The following DENND1C variants were observed in gnomAD, a reference collection of about 807,000 sequenced individuals.
DENND1C encodes the protein DENN domain-containing protein 1C.
A neutral mutation model predicts 87.9 loss-of-function variants in DENND1C; 64 were observed. That is an observed-to-expected ratio of 0.73 (90% CI 0.60 to 0.90). DENND1C has a LOEUF of 0.90. Ranked by LOEUF, DENND1C falls within the 40% of genes least tolerant of loss-of-function variation. The probability of loss-of-function intolerance (pLI) is 0.00; values close to 1 mark genes in which losing one functional copy is unlikely to be tolerated. For synonymous variants in DENND1C, 384 were observed against 424.4 expected (o/e 0.90, Z 1.17); for missense variants, 980 against 1,037.0 (o/e 0.95, Z 0.76).
In DENND1C at chr19:6,471,499, G is replaced by T; in HGVS notation, c.1159-3C>A. ...TTCTCCAGCCGGGCTTCGATGAACTGGGGTGGGGGACAGTAAATCAGAAAC... is the reference window on the plus strand; with the variant it reads ...TTCTCCAGCCGGGCTTCGATGAACTTGGGTGGGGGACAGTAAATCAGAAAC... On this transcript the variant is annotated splice_region_variant and splice_polypyrimidine_tract_variant and intron_variant, in intron 15 of 22. Coordinates refer to ENST00000381480, the MANE Select transcript of DENND1C (RefSeq NM_024898.4). 6.5e-7 allele frequency: 1 copy of T among 1,549,456 alleles called. No homozygotes were observed. The highest frequency in any genetic ancestry group is 8.7e-7 in the Non-Finnish European group (1 of 1,146,156).
intron 1 of DENND1C, 171 bp downstream of exon 1, chr19:6,481,508 G>C: frequency 1.1e-6 from 1 of 873,484 alleles, no homozygotes; most frequent in Non-Finnish European, 1.8e-6. Context: ...AGAGTGGCCT[G>C]TCCCAGAGTG....
chr19:6,477,738 C>T (rs1255436676), intron 6 of DENND1C: 1 of 150,110 alleles, frequency 6.7e-6, no homozygotes, highest in Non-Finnish European at 1.5e-5. Flanking sequence ...CGTGAGCCAC[C>T]GCGCCCGGCT....
chr19:6,470,629 T>TG (rs1022285025), intron 17 of DENND1C, among the ~76,000 whole-genome samples: 7 of 146,454 alleles, frequency 4.8e-5, no homozygotes, highest in Admixed American at 3.4e-4. Flanking sequence ...TGTTTTTTTT[T>TG]TTTTTTTGCT....
chr19:6,471,372 A>G lies in DENND1C; in HGVS notation c.1249+34T>C, dbSNP rs779066278. On this transcript the variant is annotated intron_variant, in intron 16 of 22. Transcript: ENST00000381480. The stretch of plus-strand genomic sequence containing the variant: ...GAGGCTGGGGGTGCTGGTGGCGGGT[A>G]GTGGGGGACCCAGGGGCTGGACTCA... 2.3e-5 allele frequency: 36 copies of G among 1,584,354 alleles called. 1 individual carries two copies. The South Asian group carries it at 3.9e-4, about 17-fold the overall frequency.
At chr19:6,475,999 A>G (rs2092857769) in intron 10 of DENND1C, 62 bp from the exon 11 acceptor site, 2 of 1,422,216 alleles carry the variant, frequency 1.4e-6, no homozygotes, top group East Asian at 5.0e-5. Flanking sequence ...GGTCTCTTCC[A>G]GCTGCATTTC....
At chr19:6,481,362 G>A (rs1035975777) in intron 1 of DENND1C, among the ~76,000 whole-genome samples, 2 of 151,362 alleles carry the variant, frequency 1.3e-5, no homozygotes, top group East Asian at 1.9e-4. Flanking sequence ...CTGATCATCC[G>A]CCCTGTGGAC....
rs1385047559 is a variant in DENND1C at position 6,481,768 on chromosome 19, G to A, written c.-73C>T. ...GGGGCCTGTGTATGCTGGGCCCCAA[G>A]CCGGCTCAGCTTCCTGTGTGGCTGA... On this transcript the variant is annotated 5_prime_UTR_variant, in exon 1 of 23. Coordinates refer to ENST00000381480, the MANE Select transcript of DENND1C (RefSeq NM_024898.4). 6.9e-7 allele frequency: 1 copy of A among 1,456,754 alleles called. No individual in the cohort carries two copies. The highest frequency in any genetic ancestry group is 9.1e-7 in the Non-Finnish European group (1 of 1,103,306). The allele number at this position is 1,456,754 out of a possible 1,614,324, so 90.2% of individuals were successfully genotyped here.
intron 6 of DENND1C, among the ~76,000 whole-genome samples, chr19:6,478,409 ATTTTTTT>A (rs36008668): frequency 1.5e-5 from 2 of 136,134 alleles, no homozygotes; most frequent in African/African-American, 2.7e-5. Flanking sequence ...CGGCCGGCTA[ATTTTTTT>A]TTTTTTTTTT....
intron 18 of DENND1C, 23 bp from the exon 19 acceptor site, chr19:6,469,663 T>A: frequency 6.3e-7 from 1 of 1,597,488 alleles, no homozygotes; most frequent in Middle Eastern, 1.7e-4. Context: ...GGACAGAGAA[T>A]TACCCAAGGG....
intron 4 of DENND1C, 34 bp downstream of exon 4, chr19:6,479,635 C>A: frequency 6.2e-7 from 1 of 1,613,700 alleles, no homozygotes; most frequent in Non-Finnish European, 8.5e-7. Flanking sequence ...AGATCTGAGT[C>A]CCTGAGTCCT....
Position 6,468,875 on chromosome 19 carries a change from G to A in DENND1C, c.1486C>T (p.Arg496Cys), listed in dbSNP as rs376952718. 4.6e-5 allele frequency: 70 copies of A among 1,511,402 alleles called. No homozygotes were observed. Among genetic ancestry groups the A allele is most frequent in the East Asian group, 2.9e-4 (12 of 41,752 alleles). The allele number at this position is 1,511,402 out of a possible 1,614,324, so 93.6% of individuals were successfully genotyped here. A position where few individuals can be genotyped will look rare whatever the true frequency, so the allele number is the denominator to read the frequency against. ...LPSRSDRLQQ[R>C]LPITQHFGKN... is the part of the protein sequence containing the mutation. ...CCAAAGTGCTGAGTGATTGGGAGGC[G>A]TTGCTGCAGGCGGTCTGAGCGGCTG... is the stretch of plus-strand genomic sequence containing the variant. Residue 496 changes from arginine to cysteine, a missense_variant, in exon 20 of 23, where the codon CGC becomes TGC. Physicochemically the swap from Arg to Cys is radical, Grantham distance 180 (BLOSUM62 -3). Coordinates refer to ENST00000381480, the MANE Select transcript of DENND1C (RefSeq NM_024898.4).
Position 6,470,610 on chromosome 19 carries a change from G to GTTTT in DENND1C, c.1291-248_1291-245dup, listed in dbSNP as rs1555747420. On this transcript the variant is annotated intron_variant, in intron 17 of 22. Transcript: ENST00000381480. Reference sequence around the variant, plus strand: ...TTTTGAGATGGAGTCTCAAAGAACAGTTTTTTTTTGTTTTTTTTTTTTTTT... The same window carrying GTTTT: ...TTTTGAGATGGAGTCTCAAAGAACAGTTTTTTTTTTTTTGTTTTTTTTTTTTTTT... Among the ~76,000 whole-genome samples, 159 of 100,600 alleles carry GTTTT rather than the reference G, an allele frequency of 1.6e-3. 1 individual carries two copies. The highest frequency in any genetic ancestry group is 2.0e-3 in the Non-Finnish European group (90 of 44,160). 66.0% of individuals were successfully genotyped at this position (100,600 alleles called of 152,430 possible). A position where few individuals can be genotyped will look rare whatever the true frequency, so the allele number is the denominator to read the frequency against.
Position 6,467,556 on chromosome 19 carries a change from T to A in DENND1C, c.2354A>T (p.Gln785Leu). 1 of 1,608,320 alleles carries A rather than the reference T, an allele frequency of 6.2e-7. No individual in the cohort carries two copies. Among genetic ancestry groups the A allele is most frequent in the Non-Finnish European group, 8.5e-7 (1 of 1,177,990 alleles). Reference sequence around the variant, plus strand: ...AGCGACTCTGGGCCGGCTGCTGGGCTGGGACTTTTGACAGTTGCTGGTGGG... The same window carrying A: ...AGCGACTCTGGGCCGGCTGCTGGGCAGGGACTTTTGACAGTTGCTGGTGGG... ...ATPTSNCQKS[Q>L]PSSRPRVADL... Residue 785 changes from glutamine (Q) to leucine (L), a missense_variant, in exon 23 of 23, where the codon CAG (glutamine) becomes CTG (leucine). Transcript: ENST00000381480.
intron 17 of DENND1C, among the ~76,000 whole-genome samples, chr19:6,470,785 C>T (rs1356851521): frequency 6.7e-6 from 1 of 150,166 alleles, no homozygotes; most frequent in African/African-American, 2.5e-5. Context: ...CCACACCCGG[C>T]TAATTTTTGT....
intron 1 of DENND1C, among the ~76,000 whole-genome samples, chr19:6,481,158 A>G (rs1203907362): frequency 6.6e-6 from 1 of 151,340 alleles, no homozygotes; most frequent in Non-Finnish European, 1.5e-5. Context: ...CTCTGCCCCC[A>G]TATCAAGCAG....
rs958452599 is a variant in DENND1C at position 6,468,507 on chromosome 19, A to C, written c.1584-66T>G. ...CCCAGCCCTGGTCAGGCTGCTCTGG[A>C]GTTTGGGAACCCTCCTCCCCATCAG... On this transcript the variant is annotated intron_variant, in intron 21 of 22. Transcript: ENST00000381480. The C allele has an allele frequency of 1.6e-5, 25 of 1,565,624 alleles. No homozygotes were observed. The African/African-American group carries it at 3.4e-4, about 21-fold the overall frequency.
At chr19:6,474,972 G>T (rs1255059092) in intron 14 of DENND1C, among the ~76,000 whole-genome samples, 1 of 152,044 alleles carries the variant, frequency 6.6e-6, no homozygotes, top group East Asian at 1.9e-4. Flanking sequence ...GGGAGTCTGA[G>T]GCAGGAGAAT....
At position 6,475,891 on chromosome 19, in the gene DENND1C, C is replaced by A. The variant is rs534652224; in HGVS notation, c.725G>T (p.Arg242Leu). Residue 242 changes from arginine (R) to leucine (L), a missense_variant, in exon 11 of 23, where the codon CGC becomes CTC. Physicochemically the swap from Arg to Leu is moderately radical, Grantham distance 102. Coordinates refer to ENST00000381480, the MANE Select transcript of DENND1C (RefSeq NM_024898.4). ...CGTGGGGATCAGCACGTGCTCCCAG[C>A]GCATGGGGTACAGGAGCGCGCAGGA... is the stretch of plus-strand genomic sequence containing the variant. ...HASCALLYPM[R>L]WEHVLIPTLP... The A allele has an allele frequency of 6.4e-7, 1 of 1,565,516 alleles. No individual in the cohort carries two copies. Among genetic ancestry groups the A allele is most frequent in the South Asian group, 1.2e-5 (1 of 85,146 alleles).
rs772724924 is a variant in DENND1C, at chr19:6,478,907, A to G, written c.296+30T>C. ...GTGTCCCTAGGCCTCGGCCTTTCCC[A>G]TCCCCCCCTCCAACCCCCATATCCC... On this transcript the variant is annotated intron_variant, in intron 5 of 22. Transcript: ENST00000381480. The G allele has an allele frequency of 2.5e-6, 4 of 1,613,282 alleles. 1 individual carries two copies. The South Asian group carries it at 4.4e-5, about 18-fold the overall frequency.
Sources: gnomAD v4.1 joint callset for allele counts (sites outside exome capture counted in the v4.1 genomes callset) on GRCh38, gnomAD v4.1.1 for gene constraint, MANE v1.5 for transcripts, NCBI Gene and HGNC (gene_info 2026-07-23, HGNC 2026-07-21) for gene names.